The following COL20A1 variants were observed in gnomAD, a reference collection of about 807,000 sequenced individuals.
The protein encoded by COL20A1 is collagen type XX alpha 1 chain.
A neutral mutation model predicts 152.9 loss-of-function variants in COL20A1; 164 were observed. The observed-to-expected ratio is 1.07, with a 90% CI of 0.94 to 1.22. The LOEUF is 1.22. COL20A1 is among the 50% of genes most tolerant of loss of function. The pLI, the probability that COL20A1 is intolerant of heterozygous loss-of-function variation, is 0.00. For missense variants in COL20A1, 1,873 were observed against 1,744.8 expected, an observed-to-expected ratio of 1.07 and a Z score of -1.31; for synonymous variants, 864 against 756.0, an observed-to-expected ratio of 1.14 and a Z score of -2.34.
intron 27 of COL20A1, among the ~76,000 whole-genome samples, chr20:63,322,892 A>G (rs965816236): frequency 1.3e-5 from 2 of 152,174 alleles, no homozygotes; most frequent in Non-Finnish European, 2.9e-5. Context: ...GCGCTGCCAT[A>G]TTCCCTTTGT....
rs1238979796 is a variant in COL20A1 at position 63,311,234 on chromosome 20, C to A, written c.1394-160C>A. The stretch of plus-strand genomic sequence containing the variant: ...CCTTGTGTCCCCAGAGCTGGAGCCA[C>A]AAACCTTGGCCCAAGGTGAAGCCTG... On this transcript the variant is annotated intron_variant, in intron 11 of 35. Transcript: ENST00000358894. This position sits in a 1 kb window ranked among gnomAD's most constrained non-coding sequence, Gnocchi z 4.4. 6.6e-6 allele frequency among the ~76,000 whole-genome samples: 1 copy of A among 152,230 alleles called. No individual in the cohort carries two copies. Among genetic ancestry groups the A allele is most frequent in the East Asian group, 1.9e-4 (1 of 5,202 alleles).
rs2068045639 is a variant in COL20A1, at chr20:63,313,618, G to T, written c.2210-125G>T. ...GGGGGTGATGCGGGCTGTGGTAGGG[G>T]TGTGGCATGATGTGGTGGAGGCATT... On this transcript the variant is annotated intron_variant, in intron 17 of 35. Coordinates refer to ENST00000358894, the MANE Select transcript of COL20A1 (RefSeq NM_020882.4). The surrounding 1 kb of genome is among the most constrained non-coding windows in gnomAD (Gnocchi z 5.9). The T allele has an allele frequency of 3.3e-6, 3 of 921,732 alleles. No individual in the cohort carries two copies. Among genetic ancestry groups the T allele is most frequent in the Non-Finnish European group, 4.8e-6 (3 of 630,016 alleles). 57.1% of individuals were successfully genotyped at this position (921,732 alleles called of 1,614,324 possible). A position where few individuals can be genotyped will look rare whatever the true frequency, so the allele number is the denominator to read the frequency against.
In COL20A1 at chr20:63,313,644, A is replaced by T; in HGVS notation, c.2210-99A>T. The T allele has an allele frequency of 8.4e-7, 1 of 1,188,638 alleles. No homozygotes were observed. The highest frequency in any genetic ancestry group is 1.6e-5 in the South Asian group (1 of 62,908). 73.6% of individuals were successfully genotyped at this position (1,188,638 alleles called of 1,614,324 possible). A position where few individuals can be genotyped will look rare whatever the true frequency, so the allele number is the denominator to read the frequency against. On this transcript the variant is annotated intron_variant, in intron 17 of 35. Coordinates refer to ENST00000358894, the MANE Select transcript of COL20A1 (RefSeq NM_020882.4). The surrounding 1 kb of genome is among the most constrained non-coding windows in gnomAD (Gnocchi z 5.9). Reference sequence around the variant, plus strand: ...TGTGGCATGATGTGGTGGAGGCATTACGCAGAGCAGGGTAGGGGCTGGGCA... The same window carrying T: ...TGTGGCATGATGTGGTGGAGGCATTTCGCAGAGCAGGGTAGGGGCTGGGCA...
At position 63,314,177 on chromosome 20, in the gene COL20A1, G is replaced by A; in HGVS notation, c.2464G>A (p.Ala822Thr). The change falls in exon 19 of 36, where the codon GCT becomes ACT. Residue 822 changes from alanine to threonine, a missense_variant. Coordinates refer to ENST00000358894, the MANE Select transcript of COL20A1 (RefSeq NM_020882.4). ...TATCTATGCAGCAGGCAGGAGTGAG[G>A]CTGTGTCTGCCACGGGCCAGACAGG... is the stretch of plus-strand genomic sequence containing the variant. ...SAIYAAGRSE[A>T]VSATGQTACP... 1 of 1,574,092 alleles carries A rather than the reference G, an allele frequency of 6.4e-7. No individual in the cohort carries two copies. The highest frequency in any genetic ancestry group is 8.6e-7 in the Non-Finnish European group (1 of 1,160,264).
At position 63,319,730 on chromosome 20, in the gene COL20A1, G is replaced by A. The variant is rs2068133970; in HGVS notation, c.2916+134G>A. 1.6e-6 allele frequency: 1 copy of A among 642,656 alleles called. No individual in the cohort carries two copies. The highest frequency in any genetic ancestry group is 1.8e-5 in the African/African-American group (1 of 54,816). 39.8% of individuals were successfully genotyped at this position (642,656 alleles called of 1,614,324 possible). ...TCCTTGGGAGGGAACATTGACCTGG[G>A]GCTCTGTTCCTCTACCCCAGCTCTT... On this transcript the variant is annotated intron_variant, in intron 23 of 35. Transcript: ENST00000358894. The surrounding 1 kb of genome is among the most constrained non-coding windows in gnomAD (Gnocchi z 4.4).
chr20:63,326,963 C>G (rs941240225), intron 31 of COL20A1, 140 bp downstream of exon 31: 1 of 553,544 alleles, frequency 1.8e-6, no homozygotes, highest in African/African-American at 2.0e-5. Context: ...CTGTTGACAG[C>G]CCACAGACTT....
At chr20:63,297,322 A>G (rs550418053) in intron 2 of COL20A1, among the ~76,000 whole-genome samples, 93 of 149,288 alleles carry the variant, frequency 6.2e-4, no homozygotes, top group African/African-American at 2.3e-3. Flanking sequence ...GCCCCAGCTC[A>G]GGGGACTTAG....
In COL20A1 at chr20:63,311,816, G is replaced by T. The variant is rs2068010993; in HGVS notation, c.1663+68G>T. On this transcript the variant is annotated intron_variant, in intron 13 of 35. Transcript: ENST00000358894. The surrounding 1 kb of genome is among the most constrained non-coding windows in gnomAD (Gnocchi z 4.4). ...CCATCTTGTTCCTCAGCCTTCCATG[G>T]CATGGGAGACCTCAGGCCCCCTCGG... The T allele has an allele frequency of 6.5e-7, 1 of 1,534,458 alleles. No homozygotes were observed. Among genetic ancestry groups the T allele is most frequent in the East Asian group, 2.4e-5 (1 of 41,386 alleles).
In COL20A1 at chr20:63,313,310, T is replaced by C; in HGVS notation, c.2209+61T>C. Reference sequence around the variant, plus strand: ...GGGCAGGGATGGCCCAGGGGATCCCTGACTCACCCGCTGCACAGGCCCAGG... The same window carrying C: ...GGGCAGGGATGGCCCAGGGGATCCCCGACTCACCCGCTGCACAGGCCCAGG... On this transcript the variant is annotated intron_variant, in intron 17 of 35. Coordinates refer to ENST00000358894, the MANE Select transcript of COL20A1 (RefSeq NM_020882.4). The surrounding 1 kb of genome is among the most constrained non-coding windows in gnomAD (Gnocchi z 5.9). The C allele has an allele frequency of 6.5e-7, 1 of 1,535,678 alleles. No individual in the cohort carries two copies. Among genetic ancestry groups the C allele is most frequent in the South Asian group, 1.2e-5 (1 of 81,332 alleles).
chr20:63,307,760 G>A (rs779154459), intron 6 of COL20A1, 112 bp downstream of exon 6: 21 of 1,316,360 alleles, frequency 1.6e-5, no homozygotes, highest in Non-Finnish European at 2.0e-5. Context: ...CTCTCACCTT[G>A]TGGGGTGGGA....
At chr20:63,329,713 GGAGGA>G in intron 35 of COL20A1, 52 bp downstream of exon 35, 1 of 1,353,596 alleles carries the variant, frequency 7.4e-7, no homozygotes. Context: ...CATCCAGGAA[GGAGGA>G]GCTCCTGAGG....
At chr20:63,330,224 G>A (rs932426894) in intron 35 of COL20A1, among the ~76,000 whole-genome samples, 2 of 152,178 alleles carry the variant, frequency 1.3e-5, no homozygotes, top group East Asian at 1.9e-4. Flanking sequence ...AGCAGCAGGT[G>A]TGGGGACAGG....
Position 63,313,877 on chromosome 20 carries a change from G to T in COL20A1, c.2344G>T (p.Gly782Ter), listed in dbSNP as rs774509461. 4 of 1,603,362 alleles carry T rather than the reference G, an allele frequency of 2.5e-6. No individual in the cohort carries two copies. The South Asian group carries it at 4.5e-5, about 18-fold the overall frequency. ...CACCTACGCCCCCGCCTCTGGCTTG[G>T]GACCCGAGAAATCCGTGAGTCTTGG... ...WLTYAPASGLGPEKSVSVPGA... is the reference protein window; with the variant it reads ...WLTYAPASGL Residue 782 changes from glycine to a stop codon, truncating the protein, a stop_gained, in exon 18 of 36, where the codon GGA (glycine) becomes TGA (stop). Coordinates refer to ENST00000358894, the MANE Select transcript of COL20A1 (RefSeq NM_020882.4). LOFTEE classifies it high-confidence loss of function. The surrounding 1 kb of genome is among the most constrained non-coding windows in gnomAD (Gnocchi z 5.9).
Position 63,319,456 on chromosome 20 carries a change from G to A in COL20A1, c.2807-31G>A, listed in dbSNP as rs776134960. ...GTATAGGCCCGGCTGGTTGCAGCCC[G>A]TTCTCACCTGCTCCACCCCTTCCCT... is the stretch of plus-strand genomic sequence containing the variant. On this transcript the variant is annotated intron_variant, in intron 22 of 35. Transcript: ENST00000358894. This position sits in a 1 kb window ranked among gnomAD's most constrained non-coding sequence, Gnocchi z 4.4. 7.0e-5 allele frequency: 106 copies of A among 1,506,106 alleles called. No individual in the cohort carries two copies. Among genetic ancestry groups the A allele is most frequent in the Middle Eastern group, 3.4e-4 (2 of 5,878 alleles). 93.3% of individuals were successfully genotyped at this position (1,506,106 alleles called of 1,614,324 possible).
chr20:63,297,089 ACCAACGTGCACACACGTG>A (rs1475486188), intron 2 of COL20A1, among the ~76,000 whole-genome samples: 3 of 152,200 alleles, frequency 2.0e-5, no homozygotes, highest in African/African-American at 7.2e-5. Context: ...GCACACATGT[ACCAACGTGCACACACGTG>A]CCAATGTGCA....
chr20:63,310,458 C>A lies in COL20A1; in HGVS notation c.1341C>A (p.Phe447Leu). 1 of 1,609,234 alleles carries A rather than the reference C, an allele frequency of 6.2e-7. No homozygotes were observed. The highest frequency in any genetic ancestry group is 1.7e-4 in the Middle Eastern group (1 of 6,042). The change falls in exon 11 of 36, where the codon TTC (phenylalanine) becomes TTA (leucine). Residue 447 changes from phenylalanine to leucine, a missense_variant. Physicochemically the swap from Phe to Leu is conservative, Grantham distance 22. Coordinates refer to ENST00000358894, the MANE Select transcript of COL20A1 (RefSeq NM_020882.4). ...GCACAGAGTACCTGGTCTCCGTGTT[C>A]CCCATCTATGAGGGCGGGGTTGGCG... is the stretch of plus-strand genomic sequence containing the variant. ...ASRTEYLVSV[F>L]PIYEGGVGEG...
rs1211667029 is a variant in COL20A1 at position 63,332,667 on chromosome 20, C to T, written c.*1951C>T. 2 of 152,304 alleles carry T rather than the reference C, an allele frequency of 1.3e-5. No homozygotes were observed. Among genetic ancestry groups the T allele is most frequent in the African/African-American group, 4.8e-5 (2 of 41,472 alleles). The allele number at this position is 152,304 out of a possible 1,614,324, so 9.4% of individuals were successfully genotyped here. On this transcript the variant is annotated 3_prime_UTR_variant, in exon 36 of 36. Transcript: ENST00000358894. Reference sequence around the variant, plus strand: ...GTGGCTCTAATCCCCACCACCCCCTCAGCTGCCCTACCCCCGCCACGCTGG... The same window carrying T: ...GTGGCTCTAATCCCCACCACCCCCTTAGCTGCCCTACCCCCGCCACGCTGG...
Position 63,319,293 on chromosome 20 carries a change from TCCAGG to T in COL20A1, c.2806+101_2806+105del. On this transcript the variant is annotated intron_variant, in intron 22 of 35. Transcript: ENST00000358894. This position sits in a 1 kb window ranked among gnomAD's most constrained non-coding sequence, Gnocchi z 4.4. Reference sequence around the variant, plus strand: ...GGAGGCCTTCAGAGGAAGTCCAGCCTCCAGGCCAGGCCCTCAGCACCCTCTGGGTG... The same window carrying T: ...GGAGGCCTTCAGAGGAAGTCCAGCCTCCAGGCCCTCAGCACCCTCTGGGTG... 1 of 1,379,098 alleles carries T rather than the reference TCCAGG, an allele frequency of 7.3e-7. No individual in the cohort carries two copies. The highest frequency in any genetic ancestry group is 1.4e-5 in the South Asian group (1 of 73,074). 85.4% of individuals were successfully genotyped at this position (1,379,098 alleles called of 1,614,324 possible). A position where few individuals can be genotyped will look rare whatever the true frequency, so the allele number is the denominator to read the frequency against.
chr20:63,315,615 G>C (rs555901551), intron 20 of COL20A1, among the ~76,000 whole-genome samples, 176 bp downstream of exon 20: 2 of 152,376 alleles, frequency 1.3e-5, no homozygotes, highest in African/African-American at 4.8e-5. Context: ...GGTTATTCCT[G>C]CTTCTCACTG....
Sources: allele counts gnomAD v4.1 joint callset (sites outside exome capture counted in the v4.1 genomes callset), GRCh38; gene constraint gnomAD v4.1.1; non-coding constraint Gnocchi (gnomAD v3.1); transcripts MANE v1.5; gene names NCBI Gene and HGNC (gene_info 2026-07-23, HGNC 2026-07-21).